The following PTPRM variants were observed in gnomAD, a reference collection of about 807,000 sequenced individuals.
PTPRM encodes protein tyrosine phosphatase receptor type M, also known as receptor-type tyrosine-protein phosphatase mu.
A neutral mutation model predicts 186.7 loss-of-function variants in PTPRM; 47 were observed. The ratio of observed to expected loss-of-function variants is 0.25; its 90% CI spans 0.20 to 0.32. The LOEUF is 0.32. Ranked by LOEUF, PTPRM falls within the 10% of genes least tolerant of loss-of-function variation. The pLI, the probability that PTPRM is intolerant of heterozygous loss-of-function variation, is 1.00. For synonymous variants in PTPRM, 668 were observed against 674.9 expected, an observed-to-expected ratio of 0.99 and a Z score of 0.16; for missense variants, 1,494 against 1,865.0, an observed-to-expected ratio of 0.80 and a Z score of 3.66.
chr18:7,878,497 A>G (rs1025503261), intron 2 of PTPRM, among the ~76,000 whole-genome samples: 1 of 152,186 alleles, frequency 6.6e-6, no homozygotes, highest in African/African-American at 2.4e-5. Flanking sequence ...AGGGATGTCA[A>G]CAGAACCCTT....
chr18:7,708,966 T>A (rs1426319298), intron 1 of PTPRM, among the ~76,000 whole-genome samples: 4 of 152,138 alleles, frequency 2.6e-5, no homozygotes, highest in Non-Finnish European at 5.9e-5. Flanking sequence ...GGAATTATGG[T>A]TCAGATGTTT....
chr18:8,271,081 A>G (rs1335794490), intron 19 of PTPRM, among the ~76,000 whole-genome samples: 1 of 152,170 alleles, frequency 6.6e-6, no homozygotes, highest in Admixed American at 6.5e-5. Context: ...TCATTTCACA[A>G]TATATATGTT....
Position 8,370,944 on chromosome 18 carries a change from G to A in PTPRM, c.3109G>A (p.Val1037Ile), listed in dbSNP as rs752127211. The change falls in exon 24 of 33, where the codon GTT becomes ATT. Residue 1037 changes from valine to isoleucine, a missense_variant. Around this residue, in one of 3 missense-constraint regions of PTPRM, gnomAD observed 1,107 missense variants for 1,350.2 expected, o/e 0.82. Coordinates refer to ENST00000580170, the MANE Select transcript of PTPRM (RefSeq NM_001105244.2). Reference protein sequence around the residue: ...DDTEIYKDIKVTLIETELLAE... With the variant: ...DDTEIYKDIKITLIETELLAE... ...CACAGAGATATATAAAGACATTAAA[G>A]TTACCCTAATAGAAACAGAACTACT... 5.6e-6 allele frequency: 9 copies of A among 1,609,252 alleles called. No individual in the cohort carries two copies. Among genetic ancestry groups the A allele is most frequent in the Non-Finnish European group, 6.8e-6 (8 of 1,176,408 alleles).
chr18:7,878,718 C>T (rs933441580), intron 2 of PTPRM, among the ~76,000 whole-genome samples: 2 of 152,210 alleles, frequency 1.3e-5, no homozygotes, highest in Admixed American at 6.5e-5. Flanking sequence ...ATCTGCAGAC[C>T]ATACTGAGTA....
chr18:7,932,116 A>G (rs926268694), intron 5 of PTPRM, among the ~76,000 whole-genome samples: 4 of 152,194 alleles, frequency 2.6e-5, no homozygotes, highest in African/African-American at 7.2e-5. Flanking sequence ...GGTGGGAAAT[A>G]CAAAGGTTCT....
At chr18:8,266,313 G>A (rs961354772) in intron 19 of PTPRM, among the ~76,000 whole-genome samples, 3 of 146,548 alleles carry the variant, frequency 2.0e-5, no homozygotes, top group African/African-American at 5.1e-5. Flanking sequence ...CCCCTTCCAC[G>A]CTGTGGAAGC....
At chr18:8,231,109 G>A (rs934723870) in intron 14 of PTPRM, among the ~76,000 whole-genome samples, 2 of 152,140 alleles carry the variant, frequency 1.3e-5, no homozygotes, top group African/African-American at 4.8e-5. Context: ...TGTAGTATTT[G>A]AAAAACACCT....
chr18:7,856,719 G>A (rs2047112012), intron 2 of PTPRM, among the ~76,000 whole-genome samples: 1 of 145,762 alleles, frequency 6.9e-6, no homozygotes, highest in South Asian at 2.2e-4. Flanking sequence ...ACTCCAGCCT[G>A]GGCAACAGAG....
chr18:7,899,729 G>A (rs1240289987), intron 3 of PTPRM, among the ~76,000 whole-genome samples: 2 of 152,148 alleles, frequency 1.3e-5, no homozygotes, highest in Non-Finnish European at 2.9e-5. Context: ...CTAATTCTCA[G>A]TAGTTTACAG....
intron 1 of PTPRM, among the ~76,000 whole-genome samples, chr18:7,676,483 C>G (rs895136138): frequency 6.6e-6 from 1 of 152,098 alleles, no homozygotes; most frequent in Non-Finnish European, 1.5e-5. Flanking sequence ...AAGCCAAAAT[C>G]AATAATAGTG....
intron 2 of PTPRM, among the ~76,000 whole-genome samples, chr18:7,796,740 G>A (rs970071125): frequency 6.6e-6 from 1 of 152,126 alleles, no homozygotes; most frequent in Admixed American, 6.5e-5. Context: ...CACCCGTATC[G>A]CCATAACACA....
intron 22 of PTPRM, among the ~76,000 whole-genome samples, chr18:8,319,477 T>C (rs2095332144): frequency 6.6e-6 from 1 of 152,190 alleles, no homozygotes; most frequent in Non-Finnish European, 1.5e-5. Context: ...AGTTGGACAT[T>C]TGCAAAAGTA....
At chr18:8,070,428 A>C (rs1409000284) in intron 8 of PTPRM, among the ~76,000 whole-genome samples, 3 of 152,202 alleles carry the variant, frequency 2.0e-5, no homozygotes, top group Non-Finnish European at 4.4e-5. Context: ...AAATTTCAGC[A>C]CTAAATAGGG....
At chr18:8,081,172 T>A (rs1177156720) in intron 9 of PTPRM, among the ~76,000 whole-genome samples, 3 of 152,202 alleles carry the variant, frequency 2.0e-5, no homozygotes, top group African/African-American at 2.4e-5. Flanking sequence ...TGGTTTCCCA[T>A]GAATCTCTCA....
intron 1 of PTPRM, among the ~76,000 whole-genome samples, chr18:7,753,378 C>T (rs768143233): frequency 7.9e-5 from 12 of 151,906 alleles, no homozygotes; most frequent in Non-Finnish European, 1.0e-4. Flanking sequence ...GAGGAAGCAG[C>T]GTGTTTTAAG....
At chr18:7,979,922 T>G (rs2082453650) in intron 7 of PTPRM, among the ~76,000 whole-genome samples, 1 of 152,140 alleles carries the variant, frequency 6.6e-6, no homozygotes, top group Non-Finnish European at 1.5e-5. Flanking sequence ...GGTTGATCCC[T>G]CCCAGATGCC....
chr18:7,629,727 G>C (rs1005455243), intron 1 of PTPRM, among the ~76,000 whole-genome samples: 2 of 152,134 alleles, frequency 1.3e-5, no homozygotes, highest in Admixed American at 1.3e-4. Flanking sequence ...TTTTAGCCTA[G>C]AGTAACATAG....
chr18:8,352,006 A>G (rs1430943686), intron 23 of PTPRM, among the ~76,000 whole-genome samples: 2 of 152,212 alleles, frequency 1.3e-5, no homozygotes, highest in Non-Finnish European at 2.9e-5. Context: ...ATGTTCACAA[A>G]TTAGCCCAAA....
chr18:7,767,422 A>C (rs1252506330), intron 1 of PTPRM, among the ~76,000 whole-genome samples: 1 of 152,186 alleles, frequency 6.6e-6, no homozygotes, highest in Non-Finnish European at 1.5e-5. Context: ...TTTAAATGGT[A>C]GACTCTATTT....
Sources: gnomAD v4.1 joint callset for allele counts (sites outside exome capture counted in the v4.1 genomes callset) on GRCh38, gnomAD v4.1.1 for gene constraint, gnomAD v4.1.1 regional missense constraint, MANE v1.5 for transcripts, NCBI Gene and HGNC (gene_info 2026-07-23, HGNC 2026-07-21) for gene names.